OSBPL1A: variants seen among roughly 807,000 people sequenced by gnomAD.
The protein encoded by OSBPL1A is oxysterol-binding protein-related protein 1.
Under a neutral mutation model 137.1 loss-of-function variants are expected in OSBPL1A, and 80 were observed. The observed-to-expected ratio is 0.58, with a 90% CI of 0.49 to 0.70. The LOEUF is 0.70. Among genes scored for constraint, OSBPL1A ranks in the 30% least tolerant of loss-of-function variants. The pLI, the probability that OSBPL1A is intolerant of heterozygous loss-of-function variation, is 0.00. For synonymous variants in OSBPL1A, 365 were observed against 389.7 expected (o/e 0.94, Z 0.75); for missense variants, 970 against 1,129.4 (o/e 0.86, Z 2.02).
At chr18:24,395,263 T>C (rs1358800674) in intron 1 of OSBPL1A, among the ~76,000 whole-genome samples, 1 of 152,234 alleles carries the variant, frequency 6.6e-6, no homozygotes, top group Non-Finnish European at 1.5e-5. Flanking sequence ...ATCAAGTTTC[T>C]CACACGCACT....
chr18:24,294,970 G>C (rs1378979362), intron 14 of OSBPL1A, among the ~76,000 whole-genome samples: 2 of 152,168 alleles, frequency 1.3e-5, no homozygotes, highest in Non-Finnish European at 2.9e-5. Context: ...TCTACTTTTA[G>C]TTCTTTAGGG....
At chr18:24,260,992 G>C (rs1441476579) in intron 15 of OSBPL1A, among the ~76,000 whole-genome samples, 1 of 151,856 alleles carries the variant, frequency 6.6e-6, no homozygotes, top group Non-Finnish European at 1.5e-5. Flanking sequence ...CCCCAAACTG[G>C]AAACAACCTA....
chr18:24,239,684 C>A lies in OSBPL1A; in HGVS notation c.1282-302G>T, dbSNP rs185960492. ...CAGTCAATTCAGAAATCATACAATTCTTTTTAAACATAAAGAATATTTCTC... is the reference window on the plus strand; with the variant it reads ...CAGTCAATTCAGAAATCATACAATTATTTTTAAACATAAAGAATATTTCTC... On this transcript the variant is annotated intron_variant, in intron 15 of 27. Transcript: ENST00000319481. 4.6e-3 allele frequency among the ~76,000 whole-genome samples: 705 copies of A among 152,166 alleles called. 2 individuals are homozygous for A. Among genetic ancestry groups the A allele is most frequent in the Non-Finnish European group, 6.9e-3 (472 of 68,016 alleles).
chr18:24,352,647 G>A (rs1380771589), intron 4 of OSBPL1A, among the ~76,000 whole-genome samples: 3 of 152,106 alleles, frequency 2.0e-5, no homozygotes, highest in South Asian at 2.1e-4. Flanking sequence ...GAGGCATCAG[G>A]CTACCTGACT....
At chr18:24,192,113 C>G (rs979694396) in intron 18 of OSBPL1A, among the ~76,000 whole-genome samples, 2 of 152,154 alleles carry the variant, frequency 1.3e-5, no homozygotes, top group African/African-American at 4.8e-5. Flanking sequence ...TACTCCAAGA[C>G]ATTTGAACAC....
In OSBPL1A at chr18:24,317,204, G is replaced by C; in HGVS notation, c.815C>G (p.Ala272Gly). Residue 272 changes from alanine (A) to glycine (G), a missense_variant, in exon 11 of 28, where the codon GCA (alanine) becomes GGA (glycine). Ala to Gly is a moderately conservative substitution (Grantham distance 60). This residue lies in a region of OSBPL1A where 647 missense variants were observed against 672.6 expected (regional missense o/e 0.96). Coordinates refer to ENST00000319481, the MANE Select transcript of OSBPL1A (RefSeq NM_080597.4). Reference sequence around the variant, plus strand: ...TCCCTGGCGATAAATATTATGAACTGCATCAGGCCTTCAAAATAAAAATGA... The same window carrying C: ...TCCCTGGCGATAAATATTATGAACTCCATCAGGCCTTCAAAATAAAAATGA... ...VLSWYRKQPD[A>G]VHNIYRQGCK... 1 of 1,613,620 alleles carries C rather than the reference G, an allele frequency of 6.2e-7. No homozygotes were observed. The highest frequency in any genetic ancestry group is 1.1e-5 in the South Asian group (1 of 91,066).
At chr18:24,392,743 T>C (rs1690624727) in intron 1 of OSBPL1A, among the ~76,000 whole-genome samples, 1 of 152,228 alleles carries the variant, frequency 6.6e-6, no homozygotes, top group Middle Eastern at 3.4e-3. Context: ...CAGGATGGAG[T>C]GCAGTGGCAC....
At chr18:24,338,452 C>G (rs1416050113) in intron 5 of OSBPL1A, among the ~76,000 whole-genome samples, 1 of 152,046 alleles carries the variant, frequency 6.6e-6, no homozygotes, top group African/African-American at 2.4e-5. Flanking sequence ...AATAGTCTAT[C>G]CTTTGCTGAA....
At chr18:24,244,945 A>C (rs1281054044) in intron 15 of OSBPL1A, among the ~76,000 whole-genome samples, 1 of 152,230 alleles carries the variant, frequency 6.6e-6, no homozygotes, top group African/African-American at 2.4e-5. Context: ...GCAATCAGCC[A>C]GTTATAAGAT....
intron 1 of OSBPL1A, among the ~76,000 whole-genome samples, chr18:24,377,802 G>A (rs1200282110): frequency 6.6e-6 from 1 of 152,050 alleles, no homozygotes; most frequent in Non-Finnish European, 1.5e-5. Context: ...ACAACCAACC[G>A]CATAAGCTGT....
intron 15 of OSBPL1A, among the ~76,000 whole-genome samples, chr18:24,247,233 C>T (rs1024915364): frequency 4.6e-5 from 7 of 152,016 alleles, no homozygotes; most frequent in Non-Finnish European, 8.8e-5. Flanking sequence ...TTGGAAGCCT[C>T]AAAGAGGTAT....
At chr18:24,269,000 T>C (rs1035087574) in intron 15 of OSBPL1A, among the ~76,000 whole-genome samples, 3 of 152,180 alleles carry the variant, frequency 2.0e-5, no homozygotes, top group Non-Finnish European at 4.4e-5. Flanking sequence ...AAACTGGGTG[T>C]CACCTATGGC....
chr18:24,270,176 C>T, intron 15 of OSBPL1A, among the ~76,000 whole-genome samples: 1 of 151,942 alleles, frequency 6.6e-6, no homozygotes, highest in East Asian at 1.9e-4. Context: ...TATTTGAATG[C>T]CAGAAGTAGT....
In OSBPL1A at chr18:24,254,649, A is replaced by T. The variant is rs553715823; in HGVS notation, c.1282-15267T>A. 2.0e-5 allele frequency among the ~76,000 whole-genome samples: 3 copies of T among 152,312 alleles called. No individual in the cohort carries two copies. The South Asian group carries it at 6.2e-4, about 32-fold the overall frequency. On this transcript the variant is annotated intron_variant, in intron 15 of 27. Transcript: ENST00000319481. ...TTGAAACAAATGATAAGAGAAACACAACACACCAAAACCTATGAGATACAG... is the reference window on the plus strand; with the variant it reads ...TTGAAACAAATGATAAGAGAAACACTACACACCAAAACCTATGAGATACAG...
chr18:24,312,134 A>G (rs927695004), intron 12 of OSBPL1A, 28 bp from the exon 13 acceptor site: 9 of 1,610,542 alleles, frequency 5.6e-6, no homozygotes, highest in Non-Finnish European at 7.6e-6. Flanking sequence ...TTTAAATGAG[A>G]GTGAAAAGCA....
chr18:24,263,386 G>C (rs1391387866), intron 15 of OSBPL1A, among the ~76,000 whole-genome samples: 2 of 152,034 alleles, frequency 1.3e-5, no homozygotes, highest in African/African-American at 4.8e-5. Context: ...ACTTAAAAAT[G>C]GTTACGATGG....
At position 24,234,357 on chromosome 18, in the gene OSBPL1A, G is replaced by A. The variant is rs117020791; in HGVS notation, c.1444+4863C>T. ...CACACCCACTCCCACACCCACACAC[G>A]CAATGAGGACAAAATGTGAGGCTTC... On this transcript the variant is annotated intron_variant, in intron 16 of 27. Coordinates refer to ENST00000319481, the MANE Select transcript of OSBPL1A (RefSeq NM_080597.4). Among the ~76,000 whole-genome samples, 275 of 152,110 alleles carry A rather than the reference G, an allele frequency of 1.8e-3. 6 individuals are homozygous for A. The East Asian group carries it at 0.042, about 23-fold the overall frequency.
intron 13 of OSBPL1A, among the ~76,000 whole-genome samples, chr18:24,307,728 C>T (rs543484763): frequency 7.4e-4 from 113 of 152,294 alleles, no homozygotes; most frequent in Non-Finnish European, 1.4e-3. Context: ...ATTAGCTCCA[C>T]GTGGATGTAC....
intron 20 of OSBPL1A, 72 bp downstream of exon 20, chr18:24,179,665 TG>T: frequency 1.6e-6 from 2 of 1,259,532 alleles, no homozygotes; most frequent in South Asian, 2.5e-5. Flanking sequence ...TTGTTATTCG[TG>T]ATGACCAATA....
Sources: allele counts gnomAD v4.1 joint callset (sites outside exome capture counted in the v4.1 genomes callset), GRCh38; gene constraint gnomAD v4.1.1; regional missense constraint gnomAD v4.1.1; transcripts MANE v1.5; gene names NCBI Gene and HGNC (gene_info 2026-07-23, HGNC 2026-07-21).